The following IGSF10 variants were observed in gnomAD, a reference collection of about 807,000 sequenced individuals.
The protein encoded by IGSF10 is immunoglobulin superfamily member 10.
A neutral mutation model predicts 128.2 loss-of-function variants in IGSF10; 126 were observed. The observed-to-expected ratio is 0.98, with a 90% CI of 0.85 to 1.14. The LOEUF is 1.14. Ranked by LOEUF, IGSF10 falls within the 50% of genes most tolerant of loss-of-function variation. The pLI, the probability that IGSF10 is intolerant of heterozygous loss-of-function variation, is 0.00. For missense variants in IGSF10, 3,295 were observed against 3,149.8 expected, an observed-to-expected ratio of 1.05 and a Z score of -1.10; for synonymous variants, 1,185 against 1,146.2, an observed-to-expected ratio of 1.03 and a Z score of -0.68.
the IGSF10 span, among the ~76,000 whole-genome samples, chr3:151,560,708 C>G: frequency 5.9e-5 from 9 of 151,808 alleles, no homozygotes; most frequent in East Asian, 3.9e-4. Context: ...CATAGCCCCC[C>G]CCTCCGTCCC....
chr3:151,572,255 CT>C, the IGSF10 span, among the ~76,000 whole-genome samples: 405 of 152,248 alleles, frequency 2.7e-3, no homozygotes, highest in African/African-American at 9.4e-3. Context: ...AGGGAGGATT[CT>C]CTCTTTTTCT....
At chr3:151,589,798 C>T in the IGSF10 span, among the ~76,000 whole-genome samples, 1 of 152,096 alleles carries the variant, frequency 6.6e-6, no homozygotes, top group Non-Finnish European at 1.5e-5. Context: ...AAGTAAATGG[C>T]TATAGACTTT....
At chr3:151,452,696 A>AT (rs555200760) in intron 5 of IGSF10, among the ~76,000 whole-genome samples, 97 of 152,248 alleles carry the variant, frequency 6.4e-4, no homozygotes, top group African/African-American at 2.3e-3. Flanking sequence ...ACAGTTAAAG[A>AT]TAAACTAGAT....
chr3:151,519,598 A>G, the IGSF10 span, among the ~76,000 whole-genome samples: 1 of 151,974 alleles, frequency 6.6e-6, no homozygotes, highest in African/African-American at 2.4e-5. Context: ...TTGGTGCTAG[A>G]CTTTGACAAA....
Position 151,437,083 on chromosome 3 carries a change from A to ATGAC in IGSF10, c.7474_7477dup (p.Ile2493SerfsTer3), listed in dbSNP as rs746458926. The ATGAC allele has an allele frequency of 6.2e-6, 10 of 1,614,180 alleles. No homozygotes were observed. The highest frequency in any genetic ancestry group is 4.4e-5 in the South Asian group (4 of 91,084). On this transcript the variant is annotated frameshift_variant, in exon 8 of 8. Transcript: ENST00000282466. LOFTEE classifies it low-confidence loss of function (END_TRUNC). ...TCTGTCATAAGCTGTTGCTTCTTTA[A>ATGAC]TGACTAAGGTGCCATTGTCATGCAA...
intron 5 of IGSF10, among the ~76,000 whole-genome samples, chr3:151,452,750 A>G (rs1721569244): frequency 6.6e-6 from 1 of 152,114 alleles, no homozygotes; most frequent in Admixed American, 6.5e-5. Flanking sequence ...ATATAACCAA[A>G]TGTTATCCAT....
chr3:151,591,066 AT>A, the IGSF10 span, among the ~76,000 whole-genome samples: 2 of 152,260 alleles, frequency 1.3e-5, no homozygotes, highest in African/African-American at 4.8e-5. Flanking sequence ...TGTGAAATGA[AT>A]CTGCCTTGTG....
the IGSF10 span, among the ~76,000 whole-genome samples, chr3:151,510,508 C>T: frequency 2.6e-4 from 40 of 151,924 alleles, no homozygotes; most frequent in African/African-American, 7.2e-4. Flanking sequence ...ACCACAAAGA[C>T]GGGGAAAAAA....
At chr3:151,566,651 C>T in the IGSF10 span, among the ~76,000 whole-genome samples, 2 of 152,104 alleles carry the variant, frequency 1.3e-5, no homozygotes, top group Non-Finnish European at 2.9e-5. Context: ...GTTCATTGGC[C>T]AGAATAGTTA....
At position 151,445,476 on chromosome 3, in the gene IGSF10, A is replaced by G; in HGVS notation, c.4505T>C (p.Val1502Ala). ...CCTTGAGGATTCGTGCAGCTTGACC[A>G]CTGTATTTGTCATAAGCCCGGAAAT... is the stretch of plus-strand genomic sequence containing the variant. ...TPISGLMTNT[V>A]VKLHESSRHN... Residue 1502 changes from valine to alanine, a missense_variant, in exon 6 of 8, where the codon GTG becomes GCG. Physicochemically the swap from Val to Ala is moderately conservative, Grantham distance 64. Coordinates refer to ENST00000282466, the MANE Select transcript of IGSF10 (RefSeq NM_178822.5). 1.2e-6 allele frequency: 2 copies of G among 1,614,138 alleles called. No individual in the cohort carries two copies. Among genetic ancestry groups the G allele is most frequent in the East Asian group, 2.2e-5 (1 of 44,882 alleles).
At chr3:151,596,398 G>A in the IGSF10 span, among the ~76,000 whole-genome samples, 3 of 152,070 alleles carry the variant, frequency 2.0e-5, no homozygotes, top group Admixed American at 1.3e-4. Context: ...CAAAACAAAA[G>A]GCAAAATGAC....
At chr3:151,468,335 C>T in the IGSF10 span, among the ~76,000 whole-genome samples, 10 of 152,330 alleles carry the variant, frequency 6.6e-5, no homozygotes, top group African/African-American at 2.2e-4. Flanking sequence ...TTCTCATTCT[C>T]ATTTTAAATC....
intron 7 of IGSF10, among the ~76,000 whole-genome samples, chr3:151,440,317 AC>A (rs1248211447): frequency 6.6e-6 from 1 of 152,186 alleles, no homozygotes; most frequent in Non-Finnish European, 1.5e-5. Flanking sequence ...GGCGTGAACC[AC>A]CACACCCAGT....
chr3:151,610,719 G>C, the IGSF10 span, among the ~76,000 whole-genome samples: 1 of 152,116 alleles, frequency 6.6e-6, no homozygotes, highest in Non-Finnish European at 1.5e-5. Flanking sequence ...TATGGTTCTG[G>C]AGGCTGGGAA....
chr3:151,510,113 C>A, the IGSF10 span, among the ~76,000 whole-genome samples: 1 of 152,232 alleles, frequency 6.6e-6, no homozygotes, highest in African/African-American at 2.4e-5. Flanking sequence ...TGTCTGACAG[C>A]TTTGAAGAGA....
At chr3:151,594,824 T>C in the IGSF10 span, among the ~76,000 whole-genome samples, 4 of 151,982 alleles carry the variant, frequency 2.6e-5, no homozygotes, top group Non-Finnish European at 5.9e-5. Flanking sequence ...GGTGATATCC[T>C]AAATACCCTG....
the IGSF10 span, among the ~76,000 whole-genome samples, chr3:151,590,474 G>A: frequency 1.3e-5 from 2 of 152,192 alleles, no homozygotes; most frequent in Non-Finnish European, 2.9e-5. Flanking sequence ...AGCATTATTG[G>A]AATGGTCCCT....
At chr3:151,464,282 C>T (rs1722201488), upstream of IGSF10, among the ~76,000 whole-genome samples, 1 of 152,114 alleles carries the variant, frequency 6.6e-6, no homozygotes, top group African/African-American at 2.4e-5. Context: ...TTACTCTTTT[C>T]TTAAACAGTA....
At chr3:151,456,148 C>T (rs1721780481) in intron 4 of IGSF10, among the ~76,000 whole-genome samples, 1 of 152,212 alleles carries the variant, frequency 6.6e-6, no homozygotes, top group Admixed American at 6.5e-5. Flanking sequence ...CGAAGACATA[C>T]ATTCCAAATA....
Sources: allele counts gnomAD v4.1 joint callset (sites outside exome capture counted in the v4.1 genomes callset), GRCh38; gene constraint gnomAD v4.1.1; transcripts MANE v1.5; gene names NCBI Gene and HGNC (gene_info 2026-07-23, HGNC 2026-07-21).